PCDH15: variants seen among roughly 807,000 people sequenced by gnomAD.
PCDH15 encodes the protein protocadherin-15.
Under a neutral mutation model 178.5 loss-of-function variants are expected in PCDH15, and 129 were observed. That is an observed-to-expected ratio of 0.72 (90% confidence interval 0.63 to 0.84). The LOEUF is 0.84. Among genes scored for constraint, PCDH15 ranks in the 40% least tolerant of loss-of-function variants. The pLI, the probability that PCDH15 is intolerant of heterozygous loss-of-function variation, is 0.00. For synonymous variants in PCDH15, 800 were observed against 732.0 expected, an observed-to-expected ratio of 1.09 and a Z score of -1.50; for missense variants, 2,230 against 2,099.9, an observed-to-expected ratio of 1.06 and a Z score of -1.21.
intron 3 of PCDH15, among the ~76,000 whole-genome samples, chr10:54,850,006 T>A (rs1176260013): frequency 2.0e-5 from 3 of 152,098 alleles, no homozygotes; most frequent in Admixed American, 6.6e-5. Flanking sequence ...GAGACAGAAT[T>A]TAACATGTTC....
chr10:53,986,418 C>T (rs10825184), intron 21 of PCDH15, among the ~76,000 whole-genome samples: 52,662 of 151,940 alleles, frequency 0.35, 11,076 homozygotes, highest in East Asian at 0.74. Flanking sequence ...ATGGGGTTTC[C>T]TCAAAAAAAT....
intron 8 of PCDH15, among the ~76,000 whole-genome samples, chr10:54,242,130 T>TTATA (rs57729172): frequency 1.2e-3 from 39 of 31,660 alleles, no homozygotes; most frequent in Non-Finnish European, 1.4e-3. Context: ...AATTCTATTT[T>TTATA]TATATATATA....
chr10:54,580,369 A>G (rs1432929682), intron 2 of PCDH15, among the ~76,000 whole-genome samples: 6 of 152,096 alleles, frequency 3.9e-5, no homozygotes, highest in Non-Finnish European at 7.4e-5. Context: ...TCTAGAGGAA[A>G]TTGATACATT....
Position 53,804,441 on chromosome 10 carries a change from TA to T in PCDH15, c.*2137del, listed in dbSNP as rs1247268112. On this transcript the variant is annotated 3_prime_UTR_variant, in exon 38 of 38. Coordinates refer to ENST00000644397, the MANE Select transcript of PCDH15 (RefSeq NM_001384140.1). ...GAATCCGTGTACCTAATTCCCATCT[TA>T]AGCTTCATGATTTTTCAACATTAAG... The T allele has an allele frequency of 5.3e-5, 8 of 151,968 alleles. No homozygotes were observed. Among genetic ancestry groups the T allele is most frequent in the Admixed American group, 6.6e-5 (1 of 15,234 alleles). The allele number at this position is 151,968 out of a possible 1,614,324, so 9.4% of individuals were successfully genotyped here.
intron 18 of PCDH15, among the ~76,000 whole-genome samples, chr10:54,039,667 A>G (rs902970818): frequency 1.3e-5 from 2 of 152,002 alleles, no homozygotes; most frequent in Admixed American, 1.3e-4. Context: ...ATTCATTTCA[A>G]AATAAATCTA....
chr10:53,875,204 G>A (rs1237912342), intron 26 of PCDH15, among the ~76,000 whole-genome samples: 2 of 151,906 alleles, frequency 1.3e-5, no homozygotes, highest in Non-Finnish European at 2.9e-5. Context: ...CTGCAAACAG[G>A]ATAAATAACA....
chr10:54,065,474 G>T (rs1262327867), intron 18 of PCDH15, among the ~76,000 whole-genome samples: 1 of 152,158 alleles, frequency 6.6e-6, no homozygotes, highest in South Asian at 2.1e-4. Context: ...AGAATCCACA[G>T]TAAGCCATTG....
chr10:54,662,872 T>G (rs1194904916), intron 2 of PCDH15, among the ~76,000 whole-genome samples: 2 of 151,998 alleles, frequency 1.3e-5, no homozygotes, highest in Non-Finnish European at 2.9e-5. Flanking sequence ...CAACTCTTTT[T>G]CATTTCAATG....
chr10:55,389,315 G>A (rs1837736269), intron 2 of PCDH15, among the ~76,000 whole-genome samples: 1 of 151,954 alleles, frequency 6.6e-6, no homozygotes, highest in Non-Finnish European at 1.5e-5. Context: ...TGTTAGACAA[G>A]CCAGTGAACA....
At chr10:54,119,572 T>A (rs7074447) in intron 15 of PCDH15, among the ~76,000 whole-genome samples, 1 of 151,990 alleles carries the variant, frequency 6.6e-6, no homozygotes, top group Non-Finnish European at 1.5e-5. Flanking sequence ...GGAAATTACA[T>A]TTGAGGGAAA....
intron 25 of PCDH15, among the ~76,000 whole-genome samples, chr10:53,934,287 C>T (rs2085359674): frequency 6.6e-6 from 1 of 152,114 alleles, no homozygotes; most frequent in Admixed American, 6.5e-5. Flanking sequence ...AGACCTTGCA[C>T]CACTGTAAGG....
At chr10:54,441,194 A>C (rs566068177) in intron 3 of PCDH15, among the ~76,000 whole-genome samples, 11 of 151,914 alleles carry the variant, frequency 7.2e-5, no homozygotes, top group Non-Finnish European at 1.3e-4. Context: ...ATGTGTAGCA[A>C]TTCAGATTTT....
chr10:54,739,443 G>T (rs1944504864), intron 1 of PCDH15, among the ~76,000 whole-genome samples: 1 of 151,464 alleles, frequency 6.6e-6, no homozygotes, highest in African/African-American at 2.4e-5. Context: ...AACATGGTAA[G>T]ATACCTCATG....
intron 2 of PCDH15, among the ~76,000 whole-genome samples, chr10:55,535,491 T>C (rs1488828774): frequency 6.6e-6 from 1 of 151,986 alleles, no homozygotes; most frequent in Non-Finnish European, 1.5e-5. Flanking sequence ...AAAAGACAAC[T>C]CCAATGTACA....
intron 15 of PCDH15, 144 bp downstream of exon 15, chr10:54,132,731 T>C: frequency 2.1e-6 from 3 of 1,406,774 alleles, no homozygotes; most frequent in Non-Finnish European, 2.9e-6. Context: ...CTTGCTTTCC[T>C]TTCCAGATGG....
At chr10:55,434,292 G>A (rs1255550347) in intron 2 of PCDH15, among the ~76,000 whole-genome samples, 1 of 151,436 alleles carries the variant, frequency 6.6e-6, no homozygotes, top group African/African-American at 2.4e-5. Flanking sequence ...TCCTGACCTC[G>A]TGATCCGCCC....
chr10:54,601,981 C>A (rs2092558139), intron 2 of PCDH15, among the ~76,000 whole-genome samples: 2 of 151,700 alleles, frequency 1.3e-5, no homozygotes, highest in Non-Finnish European at 2.9e-5. Context: ...TGAGGCCAAC[C>A]AGAAGGTGGA....
chr10:55,067,556 T>C (rs1184322155), intron 2 of PCDH15, among the ~76,000 whole-genome samples: 1 of 152,194 alleles, frequency 6.6e-6, no homozygotes, highest in East Asian at 1.9e-4. Context: ...TGCAGGTTTC[T>C]CTTTGGTATA....
At chr10:54,550,658 C>G (rs1400105106) in intron 2 of PCDH15, among the ~76,000 whole-genome samples, 1 of 152,164 alleles carries the variant, frequency 6.6e-6, no homozygotes, top group East Asian at 1.9e-4. Context: ...ATTTTCTATG[C>G]AAGTACCTAT....
Sources: gnomAD v4.1 joint callset for allele counts (sites outside exome capture counted in the v4.1 genomes callset) on GRCh38, gnomAD v4.1.1 for gene constraint, MANE v1.5 for transcripts, NCBI Gene and HGNC (gene_info 2026-07-23, HGNC 2026-07-21) for gene names.